Variants in C10orf90 observed in about 807,000 individuals in gnomAD.
C10orf90 encodes (E2-independent) E3 ubiquitin-conjugating enzyme FATS.
C10orf90 carries 56 observed loss-of-function variants against 62.5 expected under a neutral mutation model. That is an observed-to-expected ratio of 0.90 (90% CI 0.72 to 1.12). The LOEUF is 1.12. Ranked by LOEUF, C10orf90 falls within the 50% of genes most tolerant of loss-of-function variation. The probability of loss-of-function intolerance (pLI) is 0.00; values close to 1 mark genes in which losing one functional copy is unlikely to be tolerated. For synonymous variants in C10orf90, 386 were observed against 340.4 expected (o/e 1.13, Z -1.47); for missense variants, 970 against 880.4 (o/e 1.10, Z -1.29).
intron 7 of C10orf90, among the ~76,000 whole-genome samples, chr10:126,430,559 A>G (rs148481089): frequency 6.6e-6 from 1 of 152,350 alleles, no homozygotes; most frequent in Non-Finnish European, 1.5e-5. Context: ...GACTGTTCCA[A>G]TAACTCAAAT....
intron 5 of C10orf90, among the ~76,000 whole-genome samples, chr10:126,463,069 C>T (rs750485208): frequency 2.0e-5 from 3 of 151,750 alleles, no homozygotes; most frequent in East Asian, 1.9e-4. Flanking sequence ...CCCCAACCCC[C>T]GTCCTGTGGA....
At chr10:126,431,982 A>C (rs771611558) in intron 7 of C10orf90, among the ~76,000 whole-genome samples, 2 of 152,184 alleles carry the variant, frequency 1.3e-5, no homozygotes, top group African/African-American at 2.4e-5. Flanking sequence ...GTTAGGTGCA[A>C]AACAAGCAGG....
At chr10:126,663,655 T>C (rs999190818) in intron 1 of C10orf90, among the ~76,000 whole-genome samples, 2 of 152,150 alleles carry the variant, frequency 1.3e-5, no homozygotes, top group African/African-American at 2.4e-5. Flanking sequence ...CCTGCCCTTC[T>C]ACACACCAGT....
chr10:126,470,682 C>T (rs1400893924), intron 4 of C10orf90, among the ~76,000 whole-genome samples: 1 of 150,976 alleles, frequency 6.6e-6, no homozygotes, highest in Non-Finnish European at 1.5e-5. Flanking sequence ...CCCAGTAGTT[C>T]GAGGCTGCAG....
intron 2 of C10orf90, among the ~76,000 whole-genome samples, chr10:126,615,239 C>T (rs1031959864): frequency 1.3e-5 from 2 of 152,178 alleles, no homozygotes; most frequent in Non-Finnish European, 2.9e-5. Context: ...GTCACATGAC[C>T]CAGTCCAGGG....
chr10:126,504,725 C>T lies in C10orf90; in HGVS notation c.766G>A (p.Ala256Thr), dbSNP rs1200979239. ...CACTTGGGGCACAGAGAGTCCCCAG[C>T]AGTCCCCCACACCAGGGCGCGGGCT... ...PPARALVWGT[A>T]GDSLCPKCRA... The change falls in exon 4 of 10, where the codon GCT becomes ACT. Residue 256 changes from alanine to threonine, a missense_variant. Ala to Thr is a moderately conservative substitution (Grantham distance 58). Coordinates refer to ENST00000488181, the MANE Select transcript of C10orf90 (RefSeq NM_001350921.2). The surrounding 1 kb of genome is among the most constrained non-coding windows in gnomAD (Gnocchi z 4.1). The T allele has an allele frequency of 1.2e-6, 2 of 1,605,150 alleles. No individual in the cohort carries two copies. The highest frequency in any genetic ancestry group is 1.7e-6 in the Non-Finnish European group (2 of 1,174,730).
intron 2 of C10orf90, chr10:126,524,489 C>G (rs1018235077): frequency 2.7e-6 from 1 of 372,788 alleles, no homozygotes; most frequent in Non-Finnish European, 3.7e-6. Context: ...GCTGGGAAGA[C>G]TAAGAAATTA....
intron 2 of C10orf90, among the ~76,000 whole-genome samples, chr10:126,542,742 G>A (rs572019309): frequency 2.6e-5 from 4 of 152,274 alleles, no homozygotes; most frequent in South Asian, 4.1e-4. Flanking sequence ...GCATCAGGGT[G>A]TGGGAAGGTG....
chr10:126,627,000 C>CTTTTTTTTTTTTTTTTTTTTTTTTTT (rs61226052), intron 2 of C10orf90, among the ~76,000 whole-genome samples: 1 of 119,496 alleles, frequency 8.4e-6, no homozygotes, highest in Non-Finnish European at 1.7e-5. Flanking sequence ...TTTTTCTTTT[C>CTTTTTTTTTTTTTTTTTTTTTTTTTT]TTTTTTTTTT....
chr10:126,630,771 A>G (rs1046049657), intron 2 of C10orf90, among the ~76,000 whole-genome samples: 1 of 152,174 alleles, frequency 6.6e-6, no homozygotes, highest in Non-Finnish European at 1.5e-5. Flanking sequence ...TCTTGGATCT[A>G]TTAAGAGGAT....
chr10:126,491,647 G>A (rs568114823), intron 4 of C10orf90, among the ~76,000 whole-genome samples: 6 of 152,312 alleles, frequency 3.9e-5, no homozygotes, highest in East Asian at 1.9e-4. Context: ...ATCCGCAGAC[G>A]GAAACAGAGG....
chr10:126,650,145 G>A (rs1846262374), intron 1 of C10orf90, among the ~76,000 whole-genome samples: 1 of 152,068 alleles, frequency 6.6e-6, no homozygotes, highest in Admixed American at 6.5e-5. Context: ...TAAACCAAAG[G>A]TTGACTCCAA....
At chr10:126,501,635 A>G (rs1862387732) in intron 4 of C10orf90, among the ~76,000 whole-genome samples, 1 of 152,028 alleles carries the variant, frequency 6.6e-6, no homozygotes, top group African/African-American at 2.4e-5. Flanking sequence ...AGAGAGTATC[A>G]CTCCTCCACA....
chr10:126,650,130 C>T (rs1414524660), intron 1 of C10orf90, among the ~76,000 whole-genome samples: 2 of 152,012 alleles, frequency 1.3e-5, no homozygotes, highest in African/African-American at 2.4e-5. Context: ...AAATATTTTC[C>T]CCAATAAACC....
At chr10:126,625,381 C>T (rs1313540396) in intron 2 of C10orf90, among the ~76,000 whole-genome samples, 1 of 152,186 alleles carries the variant, frequency 6.6e-6, no homozygotes, top group African/African-American at 2.4e-5. Flanking sequence ...AAGAACACAG[C>T]TCACCACAGT....
chr10:126,571,622 C>T (rs561538876), intron 2 of C10orf90, among the ~76,000 whole-genome samples: 2 of 152,266 alleles, frequency 1.3e-5, no homozygotes, highest in African/African-American at 2.4e-5. Context: ...CTCCTCCTGG[C>T]TTGAAAGGAG....
At chr10:126,483,740 T>G (rs970152342) in intron 4 of C10orf90, among the ~76,000 whole-genome samples, 10 of 152,216 alleles carry the variant, frequency 6.6e-5, no homozygotes, top group Admixed American at 5.2e-4. Flanking sequence ...TAGCAACCCT[T>G]CAGAGGCCCC....
chr10:126,470,106 T>G, intron 4 of C10orf90: 1 of 444,750 alleles, frequency 2.2e-6, no homozygotes. Context: ...AAGGCACTCT[T>G]CTGCATGTTG....
chr10:126,547,458 C>A (rs75116356), intron 2 of C10orf90, among the ~76,000 whole-genome samples: 1 of 145,030 alleles, frequency 6.9e-6, no homozygotes, highest in Admixed American at 6.9e-5. Flanking sequence ...GAAAATCATT[C>A]GTTCATCACA....
Sources: gnomAD v4.1 joint callset for allele counts (sites outside exome capture counted in the v4.1 genomes callset) on GRCh38, gnomAD v4.1.1 for gene constraint, Gnocchi (gnomAD v3.1) non-coding constraint, MANE v1.5 for transcripts, NCBI Gene and HGNC (gene_info 2026-07-23, HGNC 2026-07-21) for gene names.